FNDC3A: variants seen among roughly 807,000 people sequenced by gnomAD.
The protein encoded by FNDC3A is fibronectin type III domain containing 3A.
A neutral mutation model predicts 148.9 loss-of-function variants in FNDC3A; 32 were observed. The ratio of observed to expected loss-of-function variants is 0.21; its 90% CI spans 0.16 to 0.29. FNDC3A has a LOEUF of 0.29. Ranked by LOEUF, FNDC3A falls within the 10% of genes least tolerant of loss-of-function variation. The pLI, the probability that FNDC3A is intolerant of heterozygous loss-of-function variation, is 1.00. For synonymous variants in FNDC3A, 472 were observed against 473.6 expected, an observed-to-expected ratio of 1.00 and a Z score of 0.04; for missense variants, 1,191 against 1,452.8, an observed-to-expected ratio of 0.82 and a Z score of 2.93.
intron 4 of FNDC3A, among the ~76,000 whole-genome samples, chr13:49,129,012 T>TTA (rs762341600): frequency 6.6e-6 from 1 of 152,266 alleles, no homozygotes; most frequent in Non-Finnish European, 1.5e-5. Context: ...TCCATAGTAT[T>TTA]TATCACCTTG....
intron 1 of FNDC3A, among the ~76,000 whole-genome samples, chr13:48,982,310 A>AT (rs1951708272): frequency 6.6e-6 from 1 of 151,766 alleles, no homozygotes; most frequent in Admixed American, 6.6e-5. Context: ...TTATGACTTG[A>AT]TTTTTTTCCA....
intron 4 of FNDC3A, 118 bp downstream of exon 4, chr13:49,114,849 G>A (rs976513608): frequency 3.5e-5 from 27 of 769,836 alleles, no homozygotes; most frequent in Non-Finnish European, 5.4e-5. Flanking sequence ...CAAGTGTTGT[G>A]TATCTATCAT....
At chr13:49,134,514 G>A (rs1448647005) in intron 5 of FNDC3A, among the ~76,000 whole-genome samples, 1 of 152,004 alleles carries the variant, frequency 6.6e-6, no homozygotes, top group African/African-American at 2.4e-5. Flanking sequence ...AAAAGTTTTT[G>A]TGTTGACATA....
intron 17 of FNDC3A, among the ~76,000 whole-genome samples, chr13:49,189,789 T>C: frequency 6.6e-6 from 1 of 152,184 alleles, no homozygotes; most frequent in Admixed American, 6.5e-5. Context: ...TTTACATAGA[T>C]AGCTTTCTGA....
intron 2 of FNDC3A, among the ~76,000 whole-genome samples, chr13:49,072,795 TTTTTGTATGTTGA>T (rs1458411276): frequency 6.6e-6 from 1 of 152,170 alleles, no homozygotes; most frequent in Non-Finnish European, 1.5e-5. Flanking sequence ...ATACTACTGA[TTTTTGTATGTTGA>T]TTTTGTGTCC....
intron 2 of FNDC3A, among the ~76,000 whole-genome samples, chr13:49,014,830 T>C (rs1371814943): frequency 7.0e-6 from 1 of 142,708 alleles, no homozygotes; most frequent in African/African-American, 2.6e-5. Flanking sequence ...TAGCCAGTTT[T>C]CCCAGCACCA....
chr13:49,041,194 G>T (rs973865782), intron 2 of FNDC3A, among the ~76,000 whole-genome samples: 9 of 152,128 alleles, frequency 5.9e-5, no homozygotes, highest in African/African-American at 2.2e-4. Context: ...GCATGTTGGC[G>T]AAAGTACATA....
chr13:49,174,084 G>A (rs1002591598), intron 11 of FNDC3A, among the ~76,000 whole-genome samples: 17 of 152,070 alleles, frequency 1.1e-4, no homozygotes, highest in African/African-American at 2.9e-4. Context: ...GAAAAAAGCC[G>A]CCAGTTGACC....
intron 3 of FNDC3A, among the ~76,000 whole-genome samples, chr13:49,109,631 T>A (rs749158597): frequency 2.0e-5 from 3 of 152,228 alleles, no homozygotes; most frequent in African/African-American, 7.2e-5. Flanking sequence ...GATAGAGAAC[T>A]CTGAACCTGC....
chr13:49,100,562 T>C (rs1372163259), intron 3 of FNDC3A, among the ~76,000 whole-genome samples: 1 of 152,208 alleles, frequency 6.6e-6, no homozygotes, highest in Admixed American at 6.5e-5. Context: ...CTTAAGACTT[T>C]TTAAAAATTC....
intron 2 of FNDC3A, among the ~76,000 whole-genome samples, chr13:49,015,082 T>G (rs981393394): frequency 7.9e-5 from 12 of 152,236 alleles, no homozygotes; most frequent in East Asian, 1.9e-4. Flanking sequence ...GGCGATGCGG[T>G]CTCTTTTTAG....
chr13:49,162,725 G>A (rs1401086957), intron 8 of FNDC3A, among the ~76,000 whole-genome samples: 1 of 152,158 alleles, frequency 6.6e-6, no homozygotes, highest in East Asian at 1.9e-4. Context: ...TTCTGCTCTG[G>A]TTTCTCCCCA....
intron 2 of FNDC3A, among the ~76,000 whole-genome samples, chr13:49,021,358 A>C (rs1873313871): frequency 6.6e-6 from 1 of 152,214 alleles, no homozygotes; most frequent in African/African-American, 2.4e-5. Flanking sequence ...CCCAGGGGGA[A>C]AGCTATTTGC....
chr13:49,112,399 G>T (rs1051139116), intron 3 of FNDC3A, among the ~76,000 whole-genome samples: 1 of 152,174 alleles, frequency 6.6e-6, no homozygotes, highest in African/African-American at 2.4e-5. Context: ...GAATATAGGA[G>T]CTAAAAGGTG....
intron 4 of FNDC3A, among the ~76,000 whole-genome samples, chr13:49,124,972 G>A (rs577253554): frequency 6.6e-6 from 1 of 152,182 alleles, no homozygotes; most frequent in Non-Finnish European, 1.5e-5. Flanking sequence ...CAGAAGTTCT[G>A]CCTTTCTGGT....
rs188795814 is a variant in FNDC3A at position 48,997,707 on chromosome 13, C to T, written c.-39-8445C>T. ...CCCTGATCTTGGACATCTTGGCCTC[C>T]GTAACTGTTAAAAATTATGTCTGTT... is the stretch of plus-strand genomic sequence containing the variant. On this transcript the variant is annotated intron_variant, in intron 1 of 25. Transcript: ENST00000492622. Among the ~76,000 whole-genome samples, 28 of 152,156 alleles carry T rather than the reference C, an allele frequency of 1.8e-4. No homozygotes were observed. In the East Asian group the frequency reaches 3.5e-3, roughly 19 times the overall value.
intron 5 of FNDC3A, among the ~76,000 whole-genome samples, chr13:49,132,494 C>T (rs1882095726): frequency 6.6e-6 from 1 of 152,212 alleles, no homozygotes; most frequent in Non-Finnish European, 1.5e-5. Context: ...CCTCTACTCA[C>T]TAACTGCCAT....
chr13:49,012,763 A>G (rs1158081935), intron 2 of FNDC3A, among the ~76,000 whole-genome samples: 1 of 149,432 alleles, frequency 6.7e-6, no homozygotes, highest in African/African-American at 2.5e-5. Context: ...ATCTTTTGTT[A>G]AATTTATTCC....
intron 19 of FNDC3A, 73 bp from the exon 20 acceptor site, chr13:49,196,804 A>C (rs2138123696): frequency 1.4e-6 from 1 of 690,760 alleles, no homozygotes; most frequent in Non-Finnish European, 2.4e-6. Flanking sequence ...GAATCTTTAA[A>C]TATGCAGTTC....
Sources: gnomAD v4.1 joint callset for allele counts (sites outside exome capture counted in the v4.1 genomes callset) on GRCh38, gnomAD v4.1.1 for gene constraint, MANE v1.5 for transcripts, NCBI Gene and HGNC (gene_info 2026-07-23, HGNC 2026-07-21) for gene names.